NRIP1: variants seen among roughly 807,000 people sequenced by gnomAD.
NRIP1 encodes nuclear receptor-interacting protein 1.
NRIP1 carries 28 observed loss-of-function variants against 75.0 expected under a neutral mutation model. The observed-to-expected ratio is 0.37, with a 90% confidence interval of 0.28 to 0.51. NRIP1 has a LOEUF of 0.51. NRIP1 is among the 20% of genes least tolerant of loss of function. NRIP1 has a pLI of 0.92. For missense variants in NRIP1, 1,435 were observed against 1,343.7 expected, an observed-to-expected ratio of 1.07 and a Z score of -1.06; for synonymous variants, 526 against 487.6, an observed-to-expected ratio of 1.08 and a Z score of -1.04.
In NRIP1 at chr21:15,059,161, G is replaced by A. The variant is rs1264504664; in HGVS notation, c.-538+5584C>T. Among the ~76,000 whole-genome samples, 3 of 152,266 alleles carry A rather than the reference G, an allele frequency of 2.0e-5. No homozygotes were observed. In the East Asian group the frequency reaches 5.8e-4, roughly 29 times the overall value. ...AACCAGAGTTGTCTTGGTCCCAGGA[G>A]TAGCTTAAGCGGATGACTCAAATTC... On this transcript the variant is annotated intron_variant, in intron 1 of 3. Transcript: ENST00000318948.
At chr21:15,018,477 C>T (rs910521028) in intron 2 of NRIP1, among the ~76,000 whole-genome samples, 2 of 152,150 alleles carry the variant, frequency 1.3e-5, no homozygotes, top group Non-Finnish European at 2.9e-5. Context: ...GAGAAAATGA[C>T]ATTTAAGCTG....
In NRIP1 at chr21:14,964,706, C is replaced by T; in HGVS notation, c.*10G>A. On this transcript the variant is annotated 3_prime_UTR_variant, in exon 4 of 4. Coordinates refer to ENST00000318948, the MANE Select transcript of NRIP1 (RefSeq NM_003489.4). ...TTTAAAAAGATCCAAAACTGGATGGCAGGTACATTTTATTCTGATTCTTTC... is the reference window on the plus strand; with the variant it reads ...TTTAAAAAGATCCAAAACTGGATGGTAGGTACATTTTATTCTGATTCTTTC... 1 of 1,513,802 alleles carries T rather than the reference C, an allele frequency of 6.6e-7. No homozygotes were observed. Among genetic ancestry groups the T allele is most frequent in the Non-Finnish European group, 8.8e-7 (1 of 1,132,200 alleles). 93.8% of individuals were successfully genotyped at this position (1,513,802 alleles called of 1,614,324 possible).
At chr21:15,029,376 A>G (rs2088592881) in intron 2 of NRIP1, among the ~76,000 whole-genome samples, 1 of 152,122 alleles carries the variant, frequency 6.6e-6, no homozygotes. Flanking sequence ...ATGCTGACTC[A>G]GCCTCTACTC....
Position 15,054,256 on chromosome 21 carries a change from T to C in NRIP1, c.-538+10489A>G, listed in dbSNP as rs76920568. Among the ~76,000 whole-genome samples the C allele has an allele frequency of 5.9e-5, 9 of 152,308 alleles. No homozygotes were observed. The East Asian group carries it at 1.7e-3, about 29-fold the overall frequency. ...ATGTGAAATGTTAAGATTTCCACCT[T>C]ACCAAGCCGTCAAATCCAAGGCAGT... On this transcript the variant is annotated intron_variant, in intron 1 of 3. Coordinates refer to ENST00000318948, the MANE Select transcript of NRIP1 (RefSeq NM_003489.4).
At chr21:15,062,721 A>G (rs1978411829) in intron 1 of NRIP1, among the ~76,000 whole-genome samples, 1 of 152,214 alleles carries the variant, frequency 6.6e-6, no homozygotes, top group Non-Finnish European at 1.5e-5. Context: ...CAATTTAAGC[A>G]AACTTCATGA....
intron 3 of NRIP1, among the ~76,000 whole-genome samples, chr21:14,981,349 T>C (rs1367958998): frequency 6.6e-6 from 1 of 152,216 alleles, no homozygotes; most frequent in Non-Finnish European, 1.5e-5. Flanking sequence ...ACCAAGTGTT[T>C]GAAGTACTAA....
At chr21:15,031,692 C>T (rs1278253083) in intron 2 of NRIP1, among the ~76,000 whole-genome samples, 1 of 114,550 alleles carries the variant, frequency 8.7e-6, no homozygotes, top group Non-Finnish European at 1.7e-5. Flanking sequence ...GGAAGGCGCT[C>T]GGAGGATCAC....
At chr21:15,058,756 T>C (rs1258870692) in intron 1 of NRIP1, among the ~76,000 whole-genome samples, 1 of 152,202 alleles carries the variant, frequency 6.6e-6, no homozygotes, top group Non-Finnish European at 1.5e-5. Context: ...ATTTAACATG[T>C]GCACATGTTA....
intron 3 of NRIP1, among the ~76,000 whole-genome samples, chr21:15,007,536 G>A (rs2088001149): frequency 6.6e-6 from 1 of 152,188 alleles, no homozygotes; most frequent in African/African-American, 2.4e-5. Flanking sequence ...AATTCTTACA[G>A]GGGTGCTTTA....
At chr21:14,981,682 C>T (rs2087239396) in intron 3 of NRIP1, among the ~76,000 whole-genome samples, 3 of 152,176 alleles carry the variant, frequency 2.0e-5, no homozygotes, top group African/African-American at 7.2e-5. Flanking sequence ...CTACTTACTT[C>T]CTACTATTAG....
Position 15,046,898 on chromosome 21 carries a change from TTTC to T in NRIP1, c.-537-3327_-537-3325del, listed in dbSNP as rs141476238. On this transcript the variant is annotated intron_variant, in intron 1 of 3. Coordinates refer to ENST00000318948, the MANE Select transcript of NRIP1 (RefSeq NM_003489.4). ...CTAGCTTCCAACTTTTCTTCTGCAG[TTTC>T]TTCATCTCCTCTCGGCCTTTGTGGA... Among the ~76,000 whole-genome samples the T allele has an allele frequency of 3.3e-3, 505 of 152,324 alleles. 1 individual carries two copies. The highest frequency in any genetic ancestry group is 5.3e-3 in the Non-Finnish European group (361 of 68,034).
At chr21:15,011,284 G>A (rs1356321399) in intron 3 of NRIP1, among the ~76,000 whole-genome samples, 1 of 152,048 alleles carries the variant, frequency 6.6e-6, no homozygotes, top group East Asian at 1.9e-4. Flanking sequence ...CCACCTCCCG[G>A]GTTCACGCCA....
intron 3 of NRIP1, chr21:14,971,484 C>T (rs1049989580): frequency 3.9e-5 from 6 of 152,266 alleles, no homozygotes; most frequent in African/African-American, 1.4e-4. Context: ...AACTCCCAAT[C>T]TGCTTCAAGA....
rs150824529 is a variant in NRIP1 at position 15,015,177 on chromosome 21, T to C, written c.-457-711A>G. Among the ~76,000 whole-genome samples the C allele has an allele frequency of 2.5e-4, 38 of 152,282 alleles. No homozygotes were observed. In the East Asian group the frequency reaches 6.9e-3, roughly 28 times the overall value. ...GCAAGAAGCCAGACAAAAAGAAACA[T>C]ATTTTGTGTGATTCCATTTGGATAA... On this transcript the variant is annotated intron_variant, in intron 2 of 3. Coordinates refer to ENST00000318948, the MANE Select transcript of NRIP1 (RefSeq NM_003489.4).
chr21:14,989,261 A>T (rs1269439425), intron 3 of NRIP1, among the ~76,000 whole-genome samples: 1 of 152,196 alleles, frequency 6.6e-6, no homozygotes, highest in Non-Finnish European at 1.5e-5. Flanking sequence ...TGTGGCTCTG[A>T]ATTTCAAATG....
At chr21:15,040,661 T>G (rs2823015) in intron 2 of NRIP1, among the ~76,000 whole-genome samples, 20,717 of 152,060 alleles carry the variant, frequency 0.14, 2,531 homozygotes, top group African/African-American at 0.31. Flanking sequence ...TTTCAGTATT[T>G]CAATCATACG....
intron 3 of NRIP1, among the ~76,000 whole-genome samples, chr21:14,972,959 C>CTG (rs2086944093): frequency 6.6e-6 from 1 of 152,188 alleles, no homozygotes; most frequent in South Asian, 2.1e-4. Flanking sequence ...CAGGCTTGGC[C>CTG]TGGGGGTTGG....
intron 2 of NRIP1, among the ~76,000 whole-genome samples, chr21:15,021,261 T>C (rs555976926): frequency 6.6e-6 from 1 of 152,340 alleles, no homozygotes; most frequent in Non-Finnish European, 1.5e-5. Flanking sequence ...AGAAACTTAA[T>C]GCTTAGTGAA....
At chr21:15,038,750 G>A (rs2088889162) in intron 2 of NRIP1, among the ~76,000 whole-genome samples, 1 of 151,460 alleles carries the variant, frequency 6.6e-6, no homozygotes, top group African/African-American at 2.4e-5. Flanking sequence ...AATATTCCCT[G>A]CCCCAGAAAA....
Sources: gnomAD v4.1 joint callset for allele counts (sites outside exome capture counted in the v4.1 genomes callset) on GRCh38, gnomAD v4.1.1 for gene constraint, MANE v1.5 for transcripts, NCBI Gene and HGNC (gene_info 2026-07-23, HGNC 2026-07-21) for gene names.